The following ATXN1 variants were observed in gnomAD, a reference collection of about 807,000 sequenced individuals.
ATXN1 encodes ataxin 1.
In ATXN1, 8 loss-of-function variants were observed where a neutral mutation model predicts 56.4. The ratio of observed to expected loss-of-function variants is 0.14; its 90% confidence interval spans 0.08 to 0.26. The LOEUF is 0.26. Ranked by LOEUF, ATXN1 falls within the 10% of genes least tolerant of loss-of-function variation. The probability of loss-of-function intolerance (pLI) is 1.00; values close to 1 mark genes in which losing one functional copy is unlikely to be tolerated. For synonymous variants in ATXN1, 514 were observed against 494.6 expected (o/e 1.04, Z -0.52); for missense variants, 987 against 1,106.5 (o/e 0.89, Z 1.53).
chr6:16,694,462 C>T (rs1759118072), intron 2 of ATXN1, among the ~76,000 whole-genome samples: 1 of 151,998 alleles, frequency 6.6e-6, no homozygotes, highest in African/African-American at 2.4e-5. Flanking sequence ...CCATGTTGCC[C>T]AGGCTCGTCA....
chr6:16,717,277 C>A (rs1759659111), intron 2 of ATXN1, among the ~76,000 whole-genome samples: 1 of 152,240 alleles, frequency 6.6e-6, no homozygotes, highest in Admixed American at 6.5e-5. Flanking sequence ...GGCAAGGCCA[C>A]CCTAGTGAGA....
At chr6:16,606,025 AG>A (rs751197411) in intron 3 of ATXN1, among the ~76,000 whole-genome samples, 6 of 152,084 alleles carry the variant, frequency 3.9e-5, no homozygotes, top group Non-Finnish European at 7.4e-5. Flanking sequence ...GATACTCAGG[AG>A]GATGAGGTGG....
At chr6:16,477,468 T>C (rs1196693460) in intron 6 of ATXN1, among the ~76,000 whole-genome samples, 1 of 152,212 alleles carries the variant, frequency 6.6e-6, no homozygotes, top group Non-Finnish European at 1.5e-5. Flanking sequence ...GTGAGCCATA[T>C]TCCTCTTCAA....
chr6:16,672,841 G>T (rs1758573308), intron 2 of ATXN1, among the ~76,000 whole-genome samples: 1 of 152,010 alleles, frequency 6.6e-6, no homozygotes, highest in South Asian at 2.1e-4. Flanking sequence ...CCAACATGGA[G>T]AAACCCCACT....
At chr6:16,602,915 G>A (rs1474667734) in intron 3 of ATXN1, among the ~76,000 whole-genome samples, 12 of 151,940 alleles carry the variant, frequency 7.9e-5, no homozygotes, top group Non-Finnish European at 1.5e-4. Context: ...ACTGAGCTTC[G>A]GCTACTCATT....
chr6:16,491,558 A>G (rs1760666038), intron 5 of ATXN1, among the ~76,000 whole-genome samples: 1 of 151,926 alleles, frequency 6.6e-6, no homozygotes, highest in South Asian at 2.1e-4. Flanking sequence ...CAGCCTCCCA[A>G]AGTGCCGGGA....
intron 5 of ATXN1, among the ~76,000 whole-genome samples, chr6:16,508,998 A>G (rs1365163503): frequency 1.3e-5 from 2 of 152,232 alleles, no homozygotes; most frequent in Admixed American, 6.5e-5. Flanking sequence ...TGCTAAACAA[A>G]AAGTCACAAA....
intron 6 of ATXN1, among the ~76,000 whole-genome samples, chr6:16,332,663 T>C (rs984154450): frequency 1.3e-5 from 2 of 152,224 alleles, no homozygotes; most frequent in Non-Finnish European, 2.9e-5. Flanking sequence ...AAAAGGGAAA[T>C]TGGAGGGAGA....
At chr6:16,653,490 C>A (rs988080831) in intron 3 of ATXN1, among the ~76,000 whole-genome samples, 1 of 152,214 alleles carries the variant, frequency 6.6e-6, no homozygotes, top group Non-Finnish European at 1.5e-5. Flanking sequence ...CCAAGGGTAG[C>A]AGGTGTGGCT....
At chr6:16,317,470 G>A (rs1158921924) in intron 7 of ATXN1, among the ~76,000 whole-genome samples, 4 of 151,862 alleles carry the variant, frequency 2.6e-5, no homozygotes, top group Non-Finnish European at 5.9e-5. Context: ...GATTATAGGC[G>A]CCTGCCACCA....
chr6:16,703,152 TA>T (rs1329723860), intron 2 of ATXN1, among the ~76,000 whole-genome samples: 3 of 152,046 alleles, frequency 2.0e-5, no homozygotes, highest in Admixed American at 6.6e-5. Context: ...TATGCAGCCA[TA>T]AAAAATGATG....
intron 6 of ATXN1, among the ~76,000 whole-genome samples, chr6:16,439,369 G>GAA (rs1759462978): frequency 8.1e-5 from 2 of 24,728 alleles, no homozygotes; most frequent in African/African-American, 1.5e-4. Flanking sequence ...GGCGGGGCCG[G>GAA]GGGCGGGGCG....
intron 4 of ATXN1, among the ~76,000 whole-genome samples, chr6:16,570,335 G>T (rs1350521856): frequency 1.3e-5 from 2 of 152,202 alleles, no homozygotes; most frequent in Non-Finnish European, 2.9e-5. Flanking sequence ...AAGTGAATGT[G>T]TTGAATCACT....
chr6:16,421,069 T>G (rs913466032), intron 6 of ATXN1, among the ~76,000 whole-genome samples: 3 of 152,222 alleles, frequency 2.0e-5, no homozygotes, highest in African/African-American at 7.2e-5. Flanking sequence ...CATGAAACCA[T>G]GAGGTGCCCA....
chr6:16,414,814 A>G (rs765562961), intron 6 of ATXN1, among the ~76,000 whole-genome samples: 7 of 152,180 alleles, frequency 4.6e-5, no homozygotes, highest in South Asian at 2.1e-4. Flanking sequence ...TTTCTACTCA[A>G]TATGTTGGTG....
intron 6 of ATXN1, among the ~76,000 whole-genome samples, chr6:16,360,263 G>A: frequency 6.6e-6 from 1 of 152,136 alleles, no homozygotes; most frequent in Admixed American, 6.5e-5. Flanking sequence ...GGATTAAACT[G>A]TATGGTCAGA....
chr6:16,524,092 G>A (rs1263112169), intron 4 of ATXN1, among the ~76,000 whole-genome samples: 1 of 152,152 alleles, frequency 6.6e-6, no homozygotes, highest in African/African-American at 2.4e-5. Context: ...TTCATCAGAG[G>A]ACGTGGACGG....
At chr6:16,364,969 G>A (rs781239330) in intron 6 of ATXN1, among the ~76,000 whole-genome samples, 8 of 152,250 alleles carry the variant, frequency 5.3e-5, no homozygotes, top group East Asian at 1.9e-4. Flanking sequence ...CCAGAATGGC[G>A]GTGATAAGCT....
At position 16,589,917 on chromosome 6, in the gene ATXN1, C is replaced by T. The variant is rs561795776; in HGVS notation, c.-488-4010G>A. ...GCAACTGAAGGACTAATGATTGTTT[C>T]GGTAATCTGTGATATATGTGTGAAG... On this transcript the variant is annotated intron_variant, in intron 3 of 7. Transcript: ENST00000436367. Among the ~76,000 whole-genome samples the T allele has an allele frequency of 7.9e-5, 12 of 152,278 alleles. No homozygotes were observed. The South Asian group carries it at 1.2e-3, about 16-fold the overall frequency.
Sources: gnomAD v4.1 joint callset for allele counts (sites outside exome capture counted in the v4.1 genomes callset) on GRCh38, gnomAD v4.1.1 for gene constraint, MANE v1.5 for transcripts, NCBI Gene and HGNC (gene_info 2026-07-23, HGNC 2026-07-21) for gene names.